Variants in RAD51B observed in about 807,000 individuals in gnomAD.
RAD51B encodes the protein DNA repair protein RAD51 homolog 2.
Under a neutral mutation model 42.2 loss-of-function variants are expected in RAD51B, and 38 were observed. That is an observed-to-expected ratio of 0.90 (90% confidence interval 0.70 to 1.18). RAD51B has a LOEUF of 1.18. RAD51B is among the 50% of genes most tolerant of loss of function. The probability of loss-of-function intolerance (pLI) is 0.00; values close to 1 mark genes in which losing one functional copy is unlikely to be tolerated. For missense variants in RAD51B, 373 were observed against 400.7 expected (o/e 0.93, Z 0.59); for synonymous variants, 154 against 145.2 (o/e 1.06, Z -0.43).
At chr14:67,903,464 T>C (rs535414715) in intron 7 of RAD51B, among the ~76,000 whole-genome samples, 1 of 152,352 alleles carries the variant, frequency 6.6e-6, no homozygotes, top group African/African-American at 2.4e-5. Context: ...TTCAAGACTC[T>C]TGTTTCTATT....
At chr14:68,237,824 C>T (rs555174696) in intron 7 of RAD51B, among the ~76,000 whole-genome samples, 3 of 147,548 alleles carry the variant, frequency 2.0e-5, no homozygotes, top group Non-Finnish European at 4.4e-5. Flanking sequence ...CAACCTCTGC[C>T]TCCCGGTTCA....
intron 11 of RAD51B, among the ~76,000 whole-genome samples, chr14:68,668,402 C>G (rs774540781): frequency 9.2e-5 from 14 of 152,316 alleles, no homozygotes; most frequent in South Asian, 6.2e-4. Flanking sequence ...CATCGAAAAC[C>G]ACGCATTCCA....
intron 7 of RAD51B, among the ~76,000 whole-genome samples, chr14:68,148,228 G>T (rs1049040545): frequency 7.9e-5 from 12 of 152,138 alleles, no homozygotes; most frequent in Non-Finnish European, 1.8e-4. Context: ...CCATTCATCT[G>T]TTGATGGATA....
At chr14:68,240,384 G>A (rs1402971925) in intron 7 of RAD51B, among the ~76,000 whole-genome samples, 1 of 152,162 alleles carries the variant, frequency 6.6e-6, no homozygotes. Flanking sequence ...GAAAAGCGGA[G>A]AGAAAAAGAA....
intron 10 of RAD51B, chr14:68,541,640 T>C (rs1243146105): frequency 1.7e-5 from 17 of 985,344 alleles, no homozygotes; most frequent in Non-Finnish European, 1.8e-5. Flanking sequence ...GTAGCAAAGC[T>C]GTATTGTCAG....
intron 7 of RAD51B, among the ~76,000 whole-genome samples, chr14:68,222,992 A>G (rs1033672054): frequency 2.0e-5 from 3 of 152,018 alleles, no homozygotes; most frequent in Non-Finnish European, 2.9e-5. Context: ...CTCCAGCCCC[A>G]CGTGTCCAAG....
At chr14:68,577,792 C>T (rs1189481070) in intron 10 of RAD51B, among the ~76,000 whole-genome samples, 1 of 152,194 alleles carries the variant, frequency 6.6e-6, no homozygotes, top group Non-Finnish European at 1.5e-5. Context: ...TCTATTTTCT[C>T]AAAGTTGTGT....
intron 8 of RAD51B, among the ~76,000 whole-genome samples, chr14:68,404,991 A>C (rs1346455432): frequency 6.6e-6 from 1 of 152,192 alleles, no homozygotes; most frequent in East Asian, 1.9e-4. Flanking sequence ...TGATAAGCCC[A>C]GAGAAAGCTA....
intron 8 of RAD51B, among the ~76,000 whole-genome samples, chr14:68,352,671 G>T (rs2082814807): frequency 6.6e-6 from 1 of 152,338 alleles, no homozygotes; most frequent in Non-Finnish European, 1.5e-5. Context: ...CATCCCACTT[G>T]CCAGGCACTG....
At chr14:68,086,016 T>G (rs1195792560) in intron 7 of RAD51B, among the ~76,000 whole-genome samples, 5 of 152,332 alleles carry the variant, frequency 3.3e-5, no homozygotes, top group Admixed American at 2.0e-4. Flanking sequence ...TTAGCTCAGT[T>G]AGACTCCCTT....
intron 7 of RAD51B, among the ~76,000 whole-genome samples, chr14:67,960,360 C>A (rs1247218833): frequency 6.6e-6 from 1 of 152,126 alleles, no homozygotes; most frequent in Non-Finnish European, 1.5e-5. Flanking sequence ...AATTCAGAAT[C>A]GTTATGATTG....
intron 7 of RAD51B, among the ~76,000 whole-genome samples, chr14:68,261,372 A>C (rs2080885953): frequency 6.6e-6 from 1 of 152,216 alleles, no homozygotes; most frequent in Non-Finnish European, 1.5e-5. Flanking sequence ...CTGTCTTTTC[A>C]TGTAAATGGA....
intron 10 of RAD51B, chr14:68,497,022 A>C (rs1409403347): frequency 8.5e-7 from 1 of 1,171,438 alleles, no homozygotes; most frequent in Non-Finnish European, 1.1e-6. Context: ...TTTTTTCCCC[A>C]TAACTTCAAT....
chr14:68,055,331 C>T (rs2076457261), intron 7 of RAD51B, among the ~76,000 whole-genome samples: 1 of 152,032 alleles, frequency 6.6e-6, no homozygotes, highest in Admixed American at 6.6e-5. Context: ...AGAATTTTTG[C>T]CTTTAGTGAT....
chr14:67,994,005 A>G (rs2075341346), intron 7 of RAD51B, among the ~76,000 whole-genome samples: 1 of 152,138 alleles, frequency 6.6e-6, no homozygotes, highest in African/African-American at 2.4e-5. Context: ...ACTATTAGGT[A>G]TCCATAAAAA....
intron 10 of RAD51B, among the ~76,000 whole-genome samples, chr14:68,589,320 C>A (rs966091862): frequency 2.0e-5 from 3 of 152,176 alleles, no homozygotes; most frequent in Non-Finnish European, 2.9e-5. Context: ...GCATAGCCAC[C>A]CATTCCTGTT....
At chr14:68,011,683 A>G (rs1294120498) in intron 7 of RAD51B, among the ~76,000 whole-genome samples, 1 of 152,064 alleles carries the variant, frequency 6.6e-6, no homozygotes, top group African/African-American at 2.4e-5. Flanking sequence ...AGTTTAAACA[A>G]CTGGACTCTG....
At chr14:68,295,124 C>T (rs1566790650) in intron 8 of RAD51B, among the ~76,000 whole-genome samples, 2 of 152,138 alleles carry the variant, frequency 1.3e-5, no homozygotes, top group South Asian at 4.1e-4. Context: ...TCAGTTTGCC[C>T]TCTCATTCCT....
At chr14:67,902,616 A>C (rs2043649485) in intron 7 of RAD51B, among the ~76,000 whole-genome samples, 1 of 152,186 alleles carries the variant, frequency 6.6e-6, no homozygotes, top group South Asian at 2.1e-4. Context: ...AAAAATCATG[A>C]GTGGTTAGTA....
Sources: allele counts gnomAD v4.1 joint callset (sites outside exome capture counted in the v4.1 genomes callset), GRCh38; gene constraint gnomAD v4.1.1; transcripts MANE v1.5; gene names NCBI Gene and HGNC (gene_info 2026-07-23, HGNC 2026-07-21).